SLC24A2: variants seen among roughly 807,000 people sequenced by gnomAD.
SLC24A2 encodes the protein solute carrier family 24 member 2.
Under a neutral mutation model 62.0 loss-of-function variants are expected in SLC24A2, and 36 were observed. That is an observed-to-expected ratio of 0.58 (90% confidence interval 0.44 to 0.77). SLC24A2 has a LOEUF of 0.77. SLC24A2 is among the 30% of genes least tolerant of loss of function. SLC24A2 has a pLI of 0.00. For missense variants in SLC24A2, 846 were observed against 817.9 expected, an observed-to-expected ratio of 1.03 and a Z score of -0.42; for synonymous variants, 358 against 294.0, an observed-to-expected ratio of 1.22 and a Z score of -2.23.
the SLC24A2 span, among the ~76,000 whole-genome samples, chr9:19,943,008 A>C: frequency 6.6e-6 from 1 of 152,180 alleles, no homozygotes; most frequent in African/African-American, 2.4e-5. Context: ...AGATCCTTTC[A>C]GAAGCTGAAG....
At chr9:20,204,642 G>C in the SLC24A2 span, among the ~76,000 whole-genome samples, 1 of 151,782 alleles carries the variant, frequency 6.6e-6, no homozygotes, top group Non-Finnish European at 1.5e-5. Context: ...CATGCCAGTA[G>C]TTACTGTATT....
At chr9:19,556,119 G>A (rs1392461830) in intron 7 of SLC24A2, among the ~76,000 whole-genome samples, 1 of 152,164 alleles carries the variant, frequency 6.6e-6, no homozygotes, top group African/African-American at 2.4e-5. Context: ...AGCATCTACT[G>A]GAAGGGTAAA....
the SLC24A2 span, among the ~76,000 whole-genome samples, chr9:19,837,530 C>G: frequency 6.8e-6 from 1 of 146,756 alleles, no homozygotes; most frequent in Non-Finnish European, 1.5e-5. Context: ...CCTTCCCTCA[C>G]CACTCCTATT....
chr9:20,273,987 T>C, the SLC24A2 span, among the ~76,000 whole-genome samples: 1 of 152,346 alleles, frequency 6.6e-6, no homozygotes, highest in East Asian at 1.9e-4. Context: ...AGCCTTGTGA[T>C]GGATGAGAGA....
At chr9:19,759,856 C>T (rs1014533214) in intron 2 of SLC24A2, among the ~76,000 whole-genome samples, 7 of 152,146 alleles carry the variant, frequency 4.6e-5, no homozygotes, top group African/African-American at 1.4e-4. Flanking sequence ...ACCCTTGAGG[C>T]CCATCAAACT....
At chr9:19,645,116 G>C (rs917293739) in intron 2 of SLC24A2, among the ~76,000 whole-genome samples, 2 of 150,864 alleles carry the variant, frequency 1.3e-5, no homozygotes, top group African/African-American at 5.0e-5. Context: ...AAGTATTCAA[G>C]CTCCACACTG....
the SLC24A2 span, among the ~76,000 whole-genome samples, chr9:19,902,408 G>C: frequency 2.0e-5 from 3 of 152,276 alleles, no homozygotes; most frequent in East Asian, 1.9e-4. Context: ...CCTTACAACA[G>C]ATGAATCCTG....
At chr9:20,128,412 C>T in the SLC24A2 span, among the ~76,000 whole-genome samples, 1 of 152,028 alleles carries the variant, frequency 6.6e-6, no homozygotes, top group African/African-American at 2.4e-5. Flanking sequence ...ATATATAATT[C>T]CTATTACTGT....
intron 2 of SLC24A2, among the ~76,000 whole-genome samples, chr9:19,746,034 G>A: frequency 6.6e-6 from 1 of 151,436 alleles, no homozygotes; most frequent in Non-Finnish European, 1.5e-5. Context: ...GACTACAGAA[G>A]AAAGTAAAAA....
chr9:20,039,564 C>T, the SLC24A2 span, among the ~76,000 whole-genome samples: 11 of 151,840 alleles, frequency 7.2e-5, no homozygotes, highest in Non-Finnish European at 1.3e-4. Flanking sequence ...AGGAGGTTGG[C>T]ATTGTGGAAA....
the SLC24A2 span, among the ~76,000 whole-genome samples, chr9:20,018,692 C>T: frequency 6.6e-6 from 1 of 152,032 alleles, no homozygotes; most frequent in African/African-American, 2.4e-5. Flanking sequence ...ACACACCAGG[C>T]ACTATGTAAA....
chr9:20,005,907 T>A, the SLC24A2 span, among the ~76,000 whole-genome samples: 1 of 150,904 alleles, frequency 6.6e-6, no homozygotes, highest in East Asian at 1.9e-4. Context: ...TTATTTGTCA[T>A]ATGAAAATAA....
chr9:19,694,244 A>G (rs1820123036), intron 2 of SLC24A2, among the ~76,000 whole-genome samples: 1 of 152,172 alleles, frequency 6.6e-6, no homozygotes. Flanking sequence ...TATCTTAGCA[A>G]TTGGCTCAAT....
the SLC24A2 span, among the ~76,000 whole-genome samples, chr9:19,923,123 A>G: frequency 6.6e-6 from 1 of 152,158 alleles, no homozygotes; most frequent in South Asian, 2.1e-4. Context: ...CACTGTGCCT[A>G]GTGGATAAAT....
the SLC24A2 span, among the ~76,000 whole-genome samples, chr9:19,874,643 T>G: frequency 6.6e-6 from 1 of 152,210 alleles, no homozygotes; most frequent in Non-Finnish European, 1.5e-5. Context: ...CATCTCTCTT[T>G]GCCAGACAAG....
chr9:20,037,139 C>G, the SLC24A2 span, among the ~76,000 whole-genome samples: 1 of 152,088 alleles, frequency 6.6e-6, no homozygotes, highest in East Asian at 1.9e-4. Context: ...CCCAGGTTAC[C>G]CACCCACCTC....
intron 9 of SLC24A2, 64 bp downstream of exon 9, chr9:19,527,985 T>A (rs911849791): frequency 4.9e-6 from 5 of 1,022,676 alleles, no homozygotes. Context: ...ACACAATGAT[T>A]AAACACTTGA....
chr9:19,798,181 T>C, the SLC24A2 span, among the ~76,000 whole-genome samples: 1 of 151,972 alleles, frequency 6.6e-6, no homozygotes, highest in South Asian at 2.1e-4. Context: ...TCATCTCATA[T>C]GATATTTATG....
At chr9:20,185,643 A>G in the SLC24A2 span, among the ~76,000 whole-genome samples, 3 of 148,616 alleles carry the variant, frequency 2.0e-5, no homozygotes, top group South Asian at 4.3e-4. Flanking sequence ...CCAGCCTGGG[A>G]GACAGAGCGA....
Sources: gnomAD v4.1 joint callset for allele counts (sites outside exome capture counted in the v4.1 genomes callset) on GRCh38, gnomAD v4.1.1 for gene constraint, MANE v1.5 for transcripts, NCBI Gene and HGNC (gene_info 2026-07-23, HGNC 2026-07-21) for gene names.